LAMA5: variants seen among roughly 807,000 people sequenced by gnomAD.
The protein encoded by LAMA5 is laminin subunit alpha 5.
Under a neutral mutation model 433.4 loss-of-function variants are expected in LAMA5, and 260 were observed. The ratio of observed to expected loss-of-function variants is 0.60; its 90% CI spans 0.54 to 0.66. The LOEUF (loss-of-function observed/expected upper bound fraction) is 0.66, where lower values mean the gene tolerates loss of function less well. Ranked by LOEUF, LAMA5 falls within the 30% of genes least tolerant of loss-of-function variation. The pLI, the probability that LAMA5 is intolerant of heterozygous loss-of-function variation, is 0.00. For missense variants in LAMA5, 5,378 were observed against 5,258.5 expected (o/e 1.02, Z -0.70); for synonymous variants, 2,620 against 2,226.6 (o/e 1.18, Z -4.97).
chr20:62,310,724 G>T lies in LAMA5; in HGVS notation c.10387C>A (p.Gln3463Lys). The change falls in exon 75 of 80, where the codon CAG (glutamine) becomes AAG (lysine). Residue 3463 changes from glutamine to lysine, a missense_variant. Coordinates refer to ENST00000252999, the MANE Select transcript of LAMA5 (RefSeq NM_005560.6). ...CCGCCCACAAAGAGGGTGTGGGGCT[G>T]GGGGTGCTCTGCCCCCTGGTGCTGC... ...HRQHQGAEHP[Q>K]PHTLFVGGLP... The T allele has an allele frequency of 2.5e-6, 4 of 1,594,584 alleles. No homozygotes were observed. The highest frequency in any genetic ancestry group is 2.6e-6 in the Non-Finnish European group (3 of 1,173,826).
At chr20:62,313,044 G>A (rs1431955474) in intron 65 of LAMA5, 34 bp from the exon 66 acceptor site, 2 of 1,599,068 alleles carry the variant, frequency 1.3e-6, no homozygotes, top group Non-Finnish European at 1.7e-6. Flanking sequence ...TGTGGGGCAG[G>A]GTCAGTGCAA....
chr20:62,322,887 T>C (rs1156740952), intron 45 of LAMA5, 129 bp from the exon 46 acceptor site: 2 of 594,462 alleles, frequency 3.4e-6, no homozygotes, highest in Admixed American at 3.6e-5. Flanking sequence ...ACCACCCGGC[T>C]ACCCACTCGT....
rs752882258 is a variant in LAMA5 at position 62,312,009 on chromosome 20, G to A, written c.9546C>T (p.Ser3182=). 3.7e-6 allele frequency: 6 copies of A among 1,612,558 alleles called. No individual in the cohort carries two copies. The highest frequency in any genetic ancestry group is 1.7e-5 in the Admixed American group (1 of 59,984). ...TCACTTCAGTCCTCAGGAGCTGTAGGCTCACACGGCCCTGCTGCAGGGACA... is the reference window on the plus strand; with the variant it reads ...TCACTTCAGTCCTCAGGAGCTGTAGACTCACACGGCCCTGCTGCAGGGACA... ...CQVSLQQGRV[S]LQLLRTEVKT... The change falls in exon 70 of 80, where the codon AGC becomes AGT. Residue 3182 remains serine (S), a synonymous_variant. Transcript: ENST00000252999.
At chr20:62,318,403 G>GGGA (rs751796950) in intron 53 of LAMA5, 51 bp downstream of exon 53, 21 of 1,456,646 alleles carry the variant, frequency 1.4e-5, no homozygotes, top group East Asian at 1.4e-4. Context: ...AGGGATTGCA[G>GGGA]GGAGGAGGCG....
At position 62,322,357 on chromosome 20, in the gene LAMA5, T is replaced by C; in HGVS notation, c.6258A>G (p.Gly2086=). The change falls in exon 47 of 80, where the codon GGA becomes GGG. Residue 2086 remains glycine (G), a synonymous_variant. Transcript: ENST00000252999. ...AEGSECHPQS[G]QCHCRPGTMG... ...TGGTCCCTGGTCGGCAGTGGCACTG[T>C]CCGCTCTGGGGGTGGCACTCGGAGC... 6.3e-7 allele frequency: 1 copy of C among 1,593,992 alleles called. No homozygotes were observed. Among genetic ancestry groups the C allele is most frequent in the Non-Finnish European group, 8.5e-7 (1 of 1,171,956 alleles).
At position 62,312,333 on chromosome 20, in the gene LAMA5, CCT is replaced by C. The variant is rs904831837; in HGVS notation, c.9361-19_9361-18del. ...GCGCCCCACCTGCGGGGAGGCCATC[CCT>C]GAGTGCCCGCGGGTGCCCCTGCATG... is the stretch of plus-strand genomic sequence containing the variant. On this transcript the variant is annotated intron_variant, in intron 68 of 79. Coordinates refer to ENST00000252999, the MANE Select transcript of LAMA5 (RefSeq NM_005560.6). 1 of 1,606,358 alleles carries C rather than the reference CCT, an allele frequency of 6.2e-7. No individual in the cohort carries two copies. The highest frequency in any genetic ancestry group is 8.5e-7 in the Non-Finnish European group (1 of 1,179,102).
chr20:62,318,807 C>G (rs1240664252), intron 52 of LAMA5, 36 bp downstream of exon 52: 1 of 1,604,284 alleles, frequency 6.2e-7, no homozygotes, highest in South Asian at 1.1e-5. Context: ...GTCCCTGCCT[C>G]TCCCCACCCC....
chr20:62,309,170 G>A lies in LAMA5; in HGVS notation c.*166C>T, dbSNP rs560151723. The A allele has an allele frequency of 1.6e-5, 11 of 695,364 alleles. No homozygotes were observed. Among genetic ancestry groups the A allele is most frequent in the African/African-American group, 1.8e-5 (1 of 54,884 alleles). 43.1% of individuals were successfully genotyped at this position (695,364 alleles called of 1,614,324 possible). On this transcript the variant is annotated 3_prime_UTR_variant, in exon 80 of 80. Transcript: ENST00000252999. ...GAAGGGCCAAATATAAAAACATTTT[G>A]CAGTATTTTATTCTTTCGTTTAAGA...
chr20:62,360,917 G>A (rs1033217432), intron 2 of LAMA5, among the ~76,000 whole-genome samples: 3 of 152,066 alleles, frequency 2.0e-5, no homozygotes, highest in African/African-American at 4.8e-5. Flanking sequence ...TCGTGGGTCC[G>A]AGTGTCAGTC....
At chr20:62,322,215 G>T in intron 47 of LAMA5, 47 bp from the exon 48 acceptor site, 1 of 1,563,260 alleles carries the variant, frequency 6.4e-7, no homozygotes, top group Non-Finnish European at 8.6e-7. Flanking sequence ...GGACCTTGGA[G>T]CGTACCCCAC....
In LAMA5 at chr20:62,324,780, A is replaced by C. The variant is rs994625833; in HGVS notation, c.5530-226T>G. The C allele has an allele frequency of 1.6e-5, 9 of 546,576 alleles. No homozygotes were observed. In the East Asian group the frequency reaches 2.8e-4, roughly 17 times the overall value. The allele number at this position is 546,576 out of a possible 1,614,324, so 33.9% of individuals were successfully genotyped here. On this transcript the variant is annotated intron_variant, in intron 41 of 79. Transcript: ENST00000252999. This position sits in a 1 kb window ranked among gnomAD's most constrained non-coding sequence, Gnocchi z 4.4. ...TTGAGGACATAGCTCTCAAAGCCAC[A>C]CGGATGTCCTGTCTCGGGAATGACC... is the stretch of plus-strand genomic sequence containing the variant.
rs763722100 is a variant in LAMA5 at position 62,327,998 on chromosome 20, G to A, written c.4665C>T (p.Asn1555=). The part of the protein sequence containing the change: ...TDSGQCKCRP[N]VTGRRCDTCS... ...AGGTATCACAGCGGCGCCCAGTCAC[G>A]TTGGGTCTGCACCTGTGGCAGGGGC... Residue 1555 remains asparagine, a synonymous_variant, in exon 36 of 80, where the codon AAC becomes AAT. Coordinates refer to ENST00000252999, the MANE Select transcript of LAMA5 (RefSeq NM_005560.6). 2.0e-5 allele frequency: 32 copies of A among 1,611,792 alleles called. No homozygotes were observed. Among genetic ancestry groups the A allele is most frequent in the Middle Eastern group, 1.8e-4 (1 of 5,620 alleles).
At position 62,326,690 on chromosome 20, in the gene LAMA5, A is replaced by AGCT. The variant is rs1555876424; in HGVS notation, c.5282_5284dup (p.Gln1761dup). On this transcript the variant is annotated inframe_insertion, in exon 40 of 80. Coordinates refer to ENST00000252999, the MANE Select transcript of LAMA5 (RefSeq NM_005560.6). ...AGCTCCCCTCACCTCCACCAGCTGC[A>AGCT]GCTGCCCACGGTGAACGTGGCCAGG... 1 of 1,612,268 alleles carries AGCT rather than the reference A, an allele frequency of 6.2e-7. No individual in the cohort carries two copies. Among genetic ancestry groups the AGCT allele is most frequent in the Non-Finnish European group, 8.5e-7 (1 of 1,179,448 alleles).
intron 6 of LAMA5, among the ~76,000 whole-genome samples, chr20:62,349,939 C>T (rs1476282152): frequency 6.7e-6 from 1 of 149,304 alleles, no homozygotes; most frequent in Non-Finnish European, 1.5e-5. Flanking sequence ...GACATGGAGC[C>T]CCCTTCCCTG....
Position 62,322,123 on chromosome 20 carries a change from C to A in LAMA5, c.6392G>T (p.Cys2131Phe). The A allele has an allele frequency of 6.2e-7, 1 of 1,603,048 alleles. No individual in the cohort carries two copies. Among genetic ancestry groups the A allele is most frequent in the Non-Finnish European group, 8.5e-7 (1 of 1,178,388 alleles). The change falls in exon 48 of 80, where the codon TGC (cysteine) becomes TTC (phenylalanine). Residue 2131 changes from cysteine (C) to phenylalanine (F), a missense_variant. Coordinates refer to ENST00000252999, the MANE Select transcript of LAMA5 (RefSeq NM_005560.6). ...CCCGCTGAGCCCCGGGGGGCAGTTG[C>A]AGCGGCCCGTGTGAGGGTCACAGCG... ...GGRCDPHTGR[C>F]NCPPGLSGER... is the part of the protein sequence containing the mutation.
rs781462153 is a variant in LAMA5 at position 62,317,369 on chromosome 20, C to G, written c.7487G>C (p.Gly2496Ala). Residue 2496 changes from glycine (G) to alanine (A), a missense_variant, in exon 55 of 80, where the codon GGC (glycine) becomes GCC (alanine). Coordinates refer to ENST00000252999, the MANE Select transcript of LAMA5 (RefSeq NM_005560.6). Reference protein sequence around the residue: ...EAAEAHAQQLGQLALNLSSII... With the variant: ...EAAEAHAQQLAQLALNLSSII... Reference sequence around the variant, plus strand: ...CCTGGACAGATTGAGTGCCAGCTGGCCCAGCTGCTGTGCGTGGGCCTCGGC... The same window carrying G: ...CCTGGACAGATTGAGTGCCAGCTGGGCCAGCTGCTGTGCGTGGGCCTCGGC... 8.7e-6 allele frequency: 14 copies of G among 1,608,770 alleles called. No individual in the cohort carries two copies. Among genetic ancestry groups the G allele is most frequent in the Non-Finnish European group, 1.0e-5 (12 of 1,179,010 alleles).
intron 2 of LAMA5, among the ~76,000 whole-genome samples, chr20:62,361,990 G>A (rs1986179136): frequency 1.3e-5 from 2 of 152,088 alleles, no homozygotes; most frequent in African/African-American, 2.4e-5. Context: ...GTCCACTTGC[G>A]CCAGCCTCCT....
At chr20:62,317,175 A>C in intron 55 of LAMA5, 152 bp from the exon 56 acceptor site, 1 of 1,179,094 alleles carries the variant, frequency 8.5e-7, no homozygotes, top group Non-Finnish European at 1.2e-6. Context: ...TGCTGGGTGT[A>C]CTGCTCCTGT....
Position 62,310,837 on chromosome 20 carries a change from C to A in LAMA5, c.10282-8G>T. 1 of 1,573,820 alleles carries A rather than the reference C, an allele frequency of 6.4e-7. No homozygotes were observed. The highest frequency in any genetic ancestry group is 1.8e-5 in the Admixed American group (1 of 55,096). ...CTCCCAGCGCACGGAGACCTGGGGG[C>A]AGGAGATGGGTCAGGGTAGGGCTGC... On this transcript the variant is annotated splice_region_variant and splice_polypyrimidine_tract_variant and intron_variant, in intron 74 of 79. Coordinates refer to ENST00000252999, the MANE Select transcript of LAMA5 (RefSeq NM_005560.6).
Sources: gnomAD v4.1 joint callset for allele counts (sites outside exome capture counted in the v4.1 genomes callset) on GRCh38, gnomAD v4.1.1 for gene constraint, Gnocchi (gnomAD v3.1) non-coding constraint, MANE v1.5 for transcripts, NCBI Gene and HGNC (gene_info 2026-07-23, HGNC 2026-07-21) for gene names.